The following MYO9B variants were observed in gnomAD, a reference collection of about 807,000 sequenced individuals.
The protein encoded by MYO9B is unconventional myosin-IXb.
MYO9B carries 71 observed loss-of-function variants against 229.5 expected under a neutral mutation model. The ratio of observed to expected loss-of-function variants is 0.31; its 90% CI spans 0.26 to 0.38. MYO9B has a LOEUF of 0.38. MYO9B is among the 10% of genes least tolerant of loss of function. MYO9B has a pLI of 1.00. For missense variants in MYO9B, 2,255 were observed against 2,920.5 expected (o/e 0.77, Z 5.25); for synonymous variants, 1,185 against 1,235.8 (o/e 0.96, Z 0.86).
chr19:17,154,538 G>C (rs1393506728), intron 6 of MYO9B, 123 bp downstream of exon 6: 3 of 662,382 alleles, frequency 4.5e-6, no homozygotes, highest in Non-Finnish European at 7.5e-6. Flanking sequence ...GTCCTGAACA[G>C]TGCCGCCATA....
rs1555704407 is a variant in MYO9B, at chr19:17,197,435, G to GATAC, written c.4047-354_4047-353insCATA. On this transcript the variant is annotated intron_variant, in intron 22 of 39. Coordinates refer to ENST00000682292, the MANE Select transcript of MYO9B (RefSeq NM_004145.4). ...AGATAGATAGATAGATAGATAGATA[G>GATAC]ATAGATAGATAGATACATAGATAGA... Among the ~76,000 whole-genome samples the GATAC allele has an allele frequency of 2.8e-3, 423 of 151,540 alleles. 1 individual carries two copies. Among genetic ancestry groups the GATAC allele is most frequent in the African/African-American group, 9.6e-3 (396 of 41,168 alleles).
At position 17,209,588 on chromosome 19, in the gene MYO9B, G is replaced by A. The variant is rs2073202379; in HGVS notation, c.5627G>A (p.Cys1876Tyr). Residue 1876 changes from cysteine to tyrosine, a missense_variant and splice_region_variant, in exon 36 of 40, where the codon TGC becomes TAC. By Grantham distance (194) the Cys-to-Tyr change is radical. Coordinates refer to ENST00000682292, the MANE Select transcript of MYO9B (RefSeq NM_004145.4). ...CCTCCCGTGGGCCTTCTCTGTAGGT[G>A]CGTGGAGATGCTGATCAAGGAGCAG... ...SMKDVLKITT[C>Y]VEMLIKEQMR... 3.8e-6 allele frequency: 6 copies of A among 1,589,172 alleles called. No individual in the cohort carries two copies. The highest frequency in any genetic ancestry group is 5.1e-6 in the Non-Finnish European group (6 of 1,168,016).
In MYO9B at chr19:17,157,005, C is replaced by A. The variant is rs757129203; in HGVS notation, c.1296C>A (p.Pro432=). Residue 432 remains proline, a synonymous_variant, in exon 7 of 40, where the codon CCC becomes CCA. Coordinates refer to ENST00000682292, the MANE Select transcript of MYO9B (RefSeq NM_004145.4). The part of the protein sequence containing the change: ...GREEGLEVGP[P]EVLDTLSQLL... ...AGGAAGGGTTGGAGGTCGGGCCACC[C>A]GAGGTGCTGGACACCCTGTCGCAGC... The A allele has an allele frequency of 3.1e-6, 5 of 1,613,736 alleles. No individual in the cohort carries two copies. The highest frequency in any genetic ancestry group is 4.2e-6 in the Non-Finnish European group (5 of 1,179,796).
At chr19:17,091,459 CACTTTG>C (rs1368735420) in intron 1 of MYO9B, among the ~76,000 whole-genome samples, 1 of 152,216 alleles carries the variant, frequency 6.6e-6, no homozygotes, top group African/African-American at 2.4e-5. Context: ...GTAATCCCAG[CACTTTG>C]GGAGGCCGAG....
intron 2 of MYO9B, among the ~76,000 whole-genome samples, chr19:17,128,821 G>A (rs1035027366): frequency 5.9e-5 from 9 of 152,342 alleles, no homozygotes; most frequent in African/African-American, 2.2e-4. Context: ...GTCATGTGGT[G>A]GTCTCCACCT....
At chr19:17,208,872 C>G (rs915779027) in intron 35 of MYO9B, among the ~76,000 whole-genome samples, 5 of 151,872 alleles carry the variant, frequency 3.3e-5, no homozygotes, top group Non-Finnish European at 4.4e-5. Flanking sequence ...GACTGAGTCC[C>G]TCTGGTACTG....
chr19:17,184,161 G>A (rs931338478), intron 16 of MYO9B, among the ~76,000 whole-genome samples: 2 of 152,218 alleles, frequency 1.3e-5, no homozygotes, highest in African/African-American at 4.8e-5. Context: ...CGTAAGCATA[G>A]CTGAAGTCTG....
chr19:17,109,068 AT>A (rs943560672), intron 2 of MYO9B, among the ~76,000 whole-genome samples: 1 of 136,368 alleles, frequency 7.3e-6, no homozygotes, highest in Admixed American at 7.6e-5. Flanking sequence ...TTATTTATTT[AT>A]TTATTTATTT....
chr19:17,127,726 T>C (rs1299860989), intron 2 of MYO9B, among the ~76,000 whole-genome samples: 3 of 152,238 alleles, frequency 2.0e-5, no homozygotes, highest in Non-Finnish European at 4.4e-5. Flanking sequence ...TAGAGATCAC[T>C]GGTACCAGGA....
At position 17,198,227 on chromosome 19, in the gene MYO9B, C is replaced by T. The variant is rs762376547; in HGVS notation, c.4157C>T (p.Pro1386Leu). The change falls in exon 24 of 40, where the codon CCA becomes CTA. Residue 1386 changes from proline to leucine, a missense_variant. Physicochemically the swap from Pro to Leu is moderately conservative, Grantham distance 98 (BLOSUM62 -3). Transcript: ENST00000682292. ...TTDGERSAKK[P>L]AVQKKKPGDA... ...GACGGAGAGCGAAGTGCGAAAAAGCCAGCTGTCCAGAAGAAGAAGCCAGGC... is the reference window on the plus strand; with the variant it reads ...GACGGAGAGCGAAGTGCGAAAAAGCTAGCTGTCCAGAAGAAGAAGCCAGGC... 15 of 1,613,790 alleles carry T rather than the reference C, an allele frequency of 9.3e-6. No homozygotes were observed. Among genetic ancestry groups the T allele is most frequent in the South Asian group, 5.5e-5 (5 of 91,082 alleles).
intron 15 of MYO9B, among the ~76,000 whole-genome samples, chr19:17,183,052 G>T (rs1396703145): frequency 6.6e-6 from 1 of 152,040 alleles, no homozygotes; most frequent in Non-Finnish European, 1.5e-5. Flanking sequence ...CTCTTGAGTA[G>T]CTGGGATTAC....
chr19:17,154,101 C>G (rs370716004), intron 5 of MYO9B, 35 bp downstream of exon 5: 10 of 1,574,776 alleles, frequency 6.4e-6, no homozygotes, highest in Middle Eastern at 3.3e-4. Context: ...CAAACGCCAC[C>G]TCTGTTCCCG....
chr19:17,103,392 GGA>G (rs1404572971), intron 2 of MYO9B: 1 of 152,360 alleles, frequency 6.6e-6, no homozygotes, highest in African/African-American at 2.4e-5. Context: ...GGAGGCTGAG[GGA>G]GAGAGGGAAA....
intron 11 of MYO9B, among the ~76,000 whole-genome samples, chr19:17,171,523 A>G (rs997630439): frequency 2.6e-5 from 4 of 151,998 alleles, no homozygotes; most frequent in African/African-American, 9.7e-5. Flanking sequence ...ACAGATCCAG[A>G]CCTCCCAGGG....
At chr19:17,163,238 T>C in intron 10 of MYO9B, 116 bp downstream of exon 10, 2 of 1,180,270 alleles carry the variant, frequency 1.7e-6, no homozygotes, top group East Asian at 5.2e-5. Flanking sequence ...TACATTCACA[T>C]ATTCGCATTG....
In MYO9B at chr19:17,195,513, A is replaced by T. The variant is rs1433120168; in HGVS notation, c.4046+40A>T. The T allele has an allele frequency of 6.5e-7, 1 of 1,549,326 alleles. No homozygotes were observed. The highest frequency in any genetic ancestry group is 1.4e-5 in the African/African-American group (1 of 73,548). On this transcript the variant is annotated intron_variant, in intron 22 of 39. Transcript: ENST00000682292. This position sits in a 1 kb window ranked among gnomAD's most constrained non-coding sequence, Gnocchi z 4.5. ...CTCTTTTGTCTGAGCACCAGGGTCC[A>T]GGCCAGGTGGGCAAGGCCAGGGGCA... is the stretch of plus-strand genomic sequence containing the variant.
At position 17,206,345 on chromosome 19, in the gene MYO9B, C is replaced by T. The variant is rs201643372; in HGVS notation, c.5355C>T (p.Phe1785=). 194 of 1,610,768 alleles carry T rather than the reference C, an allele frequency of 1.2e-4. No individual in the cohort carries two copies. The African/African-American group carries it at 1.5e-3, about 13-fold the overall frequency. ...LRELPEPLMT[F]AQYGDFLRAV... ...AGCTGCCCGAGCCCCTCATGACCTT[C>T]GCACAGTACGGCGACTTCCTCCGAG... Residue 1785 remains phenylalanine (F), a synonymous_variant, in exon 33 of 40, where the codon TTC becomes TTT. Coordinates refer to ENST00000682292, the MANE Select transcript of MYO9B (RefSeq NM_004145.4).
chr19:17,192,296 A>G (rs895050676), intron 20 of MYO9B, among the ~76,000 whole-genome samples: 3 of 150,934 alleles, frequency 2.0e-5, no homozygotes, highest in Non-Finnish European at 3.0e-5. Context: ...AAAAAAAAAA[A>G]AAAAGGGGGG....
At chr19:17,205,400 G>T in intron 31 of MYO9B, 64 bp downstream of exon 31, 1 of 1,507,164 alleles carries the variant, frequency 6.6e-7, no homozygotes, top group South Asian at 1.1e-5. Flanking sequence ...TGCACCAGGA[G>T]GTGGTGCTTG....
Sources: allele counts gnomAD v4.1 joint callset (sites outside exome capture counted in the v4.1 genomes callset), GRCh38; gene constraint gnomAD v4.1.1; non-coding constraint Gnocchi (gnomAD v3.1); transcripts MANE v1.5; gene names NCBI Gene and HGNC (gene_info 2026-07-23, HGNC 2026-07-21).